COL25A1: variants seen among roughly 807,000 people sequenced by gnomAD.
The protein encoded by COL25A1 is collagen type XXV alpha 1 chain.
A neutral mutation model predicts 128.4 loss-of-function variants in COL25A1; 103 were observed. The ratio of observed to expected loss-of-function variants is 0.80; its 90% CI spans 0.68 to 0.94. The LOEUF (loss-of-function observed/expected upper bound fraction) is 0.94, where lower values mean the gene tolerates loss of function less well. COL25A1 is among the 40% of genes least tolerant of loss of function. COL25A1 has a pLI of 0.00. For synonymous variants in COL25A1, 279 were observed against 277.2 expected (o/e 1.01, Z -0.06); for missense variants, 745 against 840.0 (o/e 0.89, Z 1.40).
chr4:109,165,999 CT>C (rs1323035429), intron 3 of COL25A1, among the ~76,000 whole-genome samples: 4 of 152,000 alleles, frequency 2.6e-5, no homozygotes, highest in African/African-American at 7.2e-5. Context: ...AAAAAAATGA[CT>C]TTTTTAGTTG....
intron 3 of COL25A1, among the ~76,000 whole-genome samples, chr4:109,166,145 A>C (rs927448370): frequency 6.6e-6 from 1 of 152,222 alleles, no homozygotes; most frequent in Non-Finnish European, 1.5e-5. Flanking sequence ...TAAGTTGTCT[A>C]TGAGTGAGTG....
At chr4:109,136,761 C>A (rs567935309) in intron 3 of COL25A1, among the ~76,000 whole-genome samples, 1 of 152,246 alleles carries the variant, frequency 6.6e-6, no homozygotes, top group Non-Finnish European at 1.5e-5. Context: ...CTGGTGCAGT[C>A]GTCAGCCCTT....
At chr4:108,833,000 T>TAAATAAATAAATAAAG (rs1336061670) in intron 31 of COL25A1, among the ~76,000 whole-genome samples, 4 of 151,870 alleles carry the variant, frequency 2.6e-5, no homozygotes, top group African/African-American at 9.7e-5. Flanking sequence ...AATAAATAAA[T>TAAATAAATAAATAAAG]AAAGCATCTT....
intron 29 of COL25A1, among the ~76,000 whole-genome samples, 165 bp downstream of exon 29, chr4:108,845,024 T>G (rs1283460668): frequency 6.6e-6 from 1 of 152,198 alleles, no homozygotes; most frequent in East Asian, 1.9e-4. Context: ...ACTTTGTGTA[T>G]CACTGTGCAG....
At chr4:109,188,109 C>T (rs1775293984) in intron 3 of COL25A1, among the ~76,000 whole-genome samples, 1 of 152,180 alleles carries the variant, frequency 6.6e-6, no homozygotes, top group Non-Finnish European at 1.5e-5. Flanking sequence ...ATCATAATTG[C>T]AATGTCAACT....
chr4:109,083,900 C>T (rs1764116216), intron 3 of COL25A1, among the ~76,000 whole-genome samples: 1 of 151,950 alleles, frequency 6.6e-6, no homozygotes, highest in Non-Finnish European at 1.5e-5. Flanking sequence ...TGTCAGTTTG[C>T]CTTTCATATT....
At chr4:109,246,934 A>C (rs1780305357) in intron 3 of COL25A1, among the ~76,000 whole-genome samples, 1 of 152,344 alleles carries the variant, frequency 6.6e-6, no homozygotes, top group South Asian at 2.1e-4. Flanking sequence ...TCTATATAGG[A>C]AACTTACATC....
intron 8 of COL25A1, among the ~76,000 whole-genome samples, chr4:108,952,676 A>T (rs987059172): frequency 6.6e-6 from 1 of 152,136 alleles, no homozygotes; most frequent in Non-Finnish European, 1.5e-5. Context: ...ACTCATCTCA[A>T]CTTGAATATA....
At chr4:108,990,414 T>G (rs1274761236) in intron 6 of COL25A1, among the ~76,000 whole-genome samples, 1 of 151,586 alleles carries the variant, frequency 6.6e-6, no homozygotes, top group Non-Finnish European at 1.5e-5. Context: ...CATTTTGAAC[T>G]AAAACTTTGC....
intron 3 of COL25A1, among the ~76,000 whole-genome samples, chr4:109,178,136 A>G (rs7699204): frequency 6.6e-6 from 1 of 152,178 alleles, no homozygotes; most frequent in Non-Finnish European, 1.5e-5. Flanking sequence ...CTTTTCTGGC[A>G]GTTTATGGCC....
At chr4:109,215,905 T>C (rs1366010738) in intron 3 of COL25A1, among the ~76,000 whole-genome samples, 1 of 152,060 alleles carries the variant, frequency 6.6e-6, no homozygotes, top group Non-Finnish European at 1.5e-5. Context: ...ATAAATTATT[T>C]ATAGAAAGAC....
intron 3 of COL25A1, among the ~76,000 whole-genome samples, chr4:109,149,429 G>T (rs1578291331): frequency 6.6e-6 from 1 of 152,092 alleles, no homozygotes; most frequent in Middle Eastern, 3.4e-3. Flanking sequence ...TGTTGCCCAG[G>T]CTGGTTGGCA....
At chr4:108,976,695 T>C (rs944287074) in intron 6 of COL25A1, among the ~76,000 whole-genome samples, 9 of 152,228 alleles carry the variant, frequency 5.9e-5, no homozygotes, top group African/African-American at 1.9e-4. Flanking sequence ...GAGGCTGCTA[T>C]GTCACTGCAG....
chr4:108,831,580 G>A (rs1733105466), intron 32 of COL25A1, among the ~76,000 whole-genome samples: 1 of 151,868 alleles, frequency 6.6e-6, no homozygotes, highest in Admixed American at 6.6e-5. Flanking sequence ...TCTCCTGGAT[G>A]GTAGGGAAAT....
At chr4:108,955,384 G>GA (rs930646228) in intron 8 of COL25A1, among the ~76,000 whole-genome samples, 4 of 150,622 alleles carry the variant, frequency 2.7e-5, no homozygotes, top group Admixed American at 6.6e-5. Context: ...ATTTGACTAA[G>GA]AAAAAAAAAG....
chr4:109,264,618 C>G (rs1309605193), intron 3 of COL25A1, among the ~76,000 whole-genome samples: 3 of 152,184 alleles, frequency 2.0e-5, no homozygotes, highest in African/African-American at 7.2e-5. Flanking sequence ...GCATCATTCA[C>G]TGAGAAAAGC....
At chr4:108,990,272 ATC>A (rs1553992951) in intron 6 of COL25A1, among the ~76,000 whole-genome samples, 3 of 123,638 alleles carry the variant, frequency 2.4e-5, no homozygotes, top group Admixed American at 1.6e-4. Flanking sequence ...ATATATATAT[ATC>A]TCAAAAGAAT....
chr4:108,925,404 A>G (rs992329123), intron 11 of COL25A1, among the ~76,000 whole-genome samples: 6 of 152,134 alleles, frequency 3.9e-5, no homozygotes, highest in African/African-American at 1.4e-4. Flanking sequence ...AGAGGTCAGG[A>G]AAAGAGCCAT....
chr4:109,020,883 T>G (rs1757682782), intron 5 of COL25A1, among the ~76,000 whole-genome samples: 1 of 152,260 alleles, frequency 6.6e-6, no homozygotes, highest in South Asian at 2.1e-4. Flanking sequence ...AAATAATGTT[T>G]ATGTCTTTGT....
Sources: allele counts gnomAD v4.1 joint callset (sites outside exome capture counted in the v4.1 genomes callset), GRCh38; gene constraint gnomAD v4.1.1; transcripts MANE v1.5; gene names NCBI Gene and HGNC (gene_info 2026-07-23, HGNC 2026-07-21).